BAIAP2: variants seen among roughly 807,000 people sequenced by gnomAD.
The protein encoded by BAIAP2 is BAR/IMD domain-containing adapter protein 2.
BAIAP2 carries 18 observed loss-of-function variants against 63.0 expected under a neutral mutation model. That is an observed-to-expected ratio of 0.29 (90% CI 0.20 to 0.42). BAIAP2 has a LOEUF of 0.42. Ranked by LOEUF, BAIAP2 falls within the 10% of genes least tolerant of loss-of-function variation. BAIAP2 has a pLI of 1.00. For missense variants in BAIAP2, 610 were observed against 734.3 expected, an observed-to-expected ratio of 0.83 and a Z score of 1.96; for synonymous variants, 386 against 307.6, an observed-to-expected ratio of 1.25 and a Z score of -2.67.
intron 1 of BAIAP2, among the ~76,000 whole-genome samples, chr17:81,036,611 T>G (rs1037108483): frequency 6.6e-6 from 1 of 152,216 alleles, no homozygotes; most frequent in African/African-American, 2.4e-5. Flanking sequence ...TCTGGAAGGT[T>G]TCTGAAGGCG....
At chr17:81,073,201 C>T (rs1319451517) in intron 3 of BAIAP2, among the ~76,000 whole-genome samples, 2 of 152,182 alleles carry the variant, frequency 1.3e-5, no homozygotes, top group Non-Finnish European at 2.9e-5. Flanking sequence ...CCTCAGAGAT[C>T]GAAGCCTCCT....
intron 2 of BAIAP2, chr17:81,057,616 C>A: frequency 8.3e-7 from 1 of 1,202,596 alleles, no homozygotes; most frequent in Non-Finnish European, 1.0e-6. Context: ...CAGCTCTCTG[C>A]AATTTGACTT....
At chr17:81,050,094 G>A (rs1317372673) in intron 1 of BAIAP2, among the ~76,000 whole-genome samples, 1 of 152,222 alleles carries the variant, frequency 6.6e-6, no homozygotes, top group East Asian at 1.9e-4. Context: ...GAGGAGGGGT[G>A]GGTGGCACCT....
At chr17:81,089,676 G>A (rs1209505632) in intron 6 of BAIAP2, among the ~76,000 whole-genome samples, 2 of 152,140 alleles carry the variant, frequency 1.3e-5, no homozygotes, top group South Asian at 2.1e-4. Context: ...GGCTGTCTGC[G>A]TCCTGATGGG....
chr17:81,085,604 G>A (rs1234675248), intron 4 of BAIAP2, 50 bp from the exon 5 acceptor site: 4 of 1,500,318 alleles, frequency 2.7e-6, no homozygotes, highest in Non-Finnish European at 3.7e-6. Context: ...CTCCTGTTCC[G>A]GGTCCATGTG....
At chr17:81,101,670 T>C (rs1464254362) in intron 7 of BAIAP2, among the ~76,000 whole-genome samples, 1 of 152,134 alleles carries the variant, frequency 6.6e-6, no homozygotes, top group African/African-American at 2.4e-5. Flanking sequence ...ACAGAACCAG[T>C]GCTCCAGTCC....
chr17:81,110,834 G>A (rs1164590193), intron 13 of BAIAP2: 23 of 1,564,492 alleles, frequency 1.5e-5, no homozygotes, highest in Middle Eastern at 1.7e-4. Flanking sequence ...CTGGCAGCTC[G>A]CCCGTGGTCC....
chr17:81,099,249 G>A (rs2058159035), intron 6 of BAIAP2, among the ~76,000 whole-genome samples: 2 of 151,088 alleles, frequency 1.3e-5, no homozygotes, highest in African/African-American at 4.9e-5. Context: ...GTTCTCCCTT[G>A]GTGCACGCTT....
intron 3 of BAIAP2, among the ~76,000 whole-genome samples, chr17:81,060,632 C>T (rs944754827): frequency 6.6e-6 from 1 of 152,210 alleles, no homozygotes. Flanking sequence ...TTCATCTCTC[C>T]TGGGCATGCA....
At chr17:81,058,773 A>G (rs889803278) in intron 3 of BAIAP2, among the ~76,000 whole-genome samples, 1 of 152,124 alleles carries the variant, frequency 6.6e-6, no homozygotes, top group South Asian at 2.1e-4. Flanking sequence ...GTGGCCGCCA[A>G]TCTGGGAGGT....
chr17:81,041,074 C>T (rs1598481422), intron 1 of BAIAP2, among the ~76,000 whole-genome samples: 1 of 152,260 alleles, frequency 6.6e-6, no homozygotes, highest in African/African-American at 2.4e-5. Flanking sequence ...AGTTAACCCC[C>T]ATCTGCCCCT....
chr17:81,078,338 C>T (rs1489554266), intron 3 of BAIAP2, among the ~76,000 whole-genome samples: 9 of 121,702 alleles, frequency 7.4e-5, no homozygotes, highest in Non-Finnish European at 1.2e-4. Flanking sequence ...GGGAGCCGGG[C>T]GCTGTGGGTG....
chr17:81,086,045 T>C (rs1598710236), intron 5 of BAIAP2, among the ~76,000 whole-genome samples: 2 of 150,924 alleles, frequency 1.3e-5, no homozygotes, highest in African/African-American at 4.8e-5. Context: ...TGCAGTTCCC[T>C]GGGCTCTCGG....
intron 1 of BAIAP2, among the ~76,000 whole-genome samples, chr17:81,048,800 C>T (rs1210129413): frequency 6.6e-6 from 1 of 152,110 alleles, no homozygotes; most frequent in Admixed American, 6.5e-5. Flanking sequence ...CATGCGACTC[C>T]AGGGCCACTG....
intron 12 of BAIAP2, chr17:81,107,182 C>G: frequency 4.2e-6 from 2 of 471,536 alleles, no homozygotes; most frequent in Admixed American, 3.9e-5. Flanking sequence ...ACGGGCAACT[C>G]ACTGCTCTGT....
intron 7 of BAIAP2, among the ~76,000 whole-genome samples, chr17:81,101,499 A>G (rs1336996117): frequency 6.6e-6 from 1 of 152,154 alleles, no homozygotes; most frequent in Non-Finnish European, 1.5e-5. Flanking sequence ...AGTTTCGAAG[A>G]TGTAGTTCCG....
At chr17:81,067,580 G>C (rs775197105) in intron 3 of BAIAP2, among the ~76,000 whole-genome samples, 1 of 149,940 alleles carries the variant, frequency 6.7e-6, no homozygotes, top group African/African-American at 2.4e-5. Flanking sequence ...CTGGCTGCTC[G>C]TGGTTTGATC....
At chr17:81,098,313 C>CT (rs2057981924) in intron 6 of BAIAP2, 3 of 605,592 alleles carry the variant, frequency 5.0e-6, no homozygotes, top group Non-Finnish European at 7.2e-6. Context: ...TCGCCACTCT[C>CT]TCCCCCAAAC....
chr17:81,099,801 G>A (rs2058244022), intron 6 of BAIAP2, 127 bp from the exon 7 acceptor site: 1 of 1,139,422 alleles, frequency 8.8e-7, no homozygotes, highest in Non-Finnish European at 1.2e-6. Flanking sequence ...CGCAGATGCT[G>A]TTTTGTTTCC....
Sources: gnomAD v4.1 joint callset for allele counts (sites outside exome capture counted in the v4.1 genomes callset) on GRCh38, gnomAD v4.1.1 for gene constraint, MANE v1.5 for transcripts, NCBI Gene and HGNC (gene_info 2026-07-23, HGNC 2026-07-21) for gene names.